MKLN1: variants seen among roughly 807,000 people sequenced by gnomAD.
The protein encoded by MKLN1 is muskelin.
A neutral mutation model predicts 99.0 loss-of-function variants in MKLN1; 18 were observed. The ratio of observed to expected loss-of-function variants is 0.18; its 90% CI spans 0.13 to 0.27. The LOEUF (loss-of-function observed/expected upper bound fraction) is 0.27, where lower values mean the gene tolerates loss of function less well. Ranked by LOEUF, MKLN1 falls within the 10% of genes least tolerant of loss-of-function variation. MKLN1 has a pLI of 1.00. For missense variants in MKLN1, 621 were observed against 875.9 expected (o/e 0.71, Z 3.67); for synonymous variants, 288 against 293.2 (o/e 0.98, Z 0.18).
intron 2 of MKLN1, among the ~76,000 whole-genome samples, chr7:131,381,088 C>T (rs1358621346): frequency 6.6e-6 from 1 of 152,196 alleles, no homozygotes; most frequent in Admixed American, 6.5e-5. Context: ...ATTGAATTCA[C>T]AGCCAACAGT....
chr7:131,414,518 C>T (rs566286505), intron 7 of MKLN1, 127 bp from the exon 8 acceptor site: 4 of 539,538 alleles, frequency 7.4e-6, no homozygotes, highest in Middle Eastern at 5.2e-4. Flanking sequence ...AGTCCTTTTA[C>T]TTATTAATAT....
At chr7:131,231,625 C>A (rs1477461106) in intron 3 of MKLN1, among the ~76,000 whole-genome samples, 2 of 152,086 alleles carry the variant, frequency 1.3e-5, no homozygotes, top group Admixed American at 1.3e-4. Flanking sequence ...TGCAGATCTG[C>A]GTCTGTGTGT....
At chr7:131,284,512 A>T (rs112900259) in intron 3 of MKLN1, among the ~76,000 whole-genome samples, 125 of 152,232 alleles carry the variant, frequency 8.2e-4, no homozygotes, top group African/African-American at 2.9e-3. Context: ...TGTTGGCTGG[A>T]TTTAGATGTT....
At chr7:131,446,683 G>A (rs1344561712) in intron 12 of MKLN1, among the ~76,000 whole-genome samples, 1 of 152,076 alleles carries the variant, frequency 6.6e-6, no homozygotes, top group Non-Finnish European at 1.5e-5. Flanking sequence ...ATTAATACAA[G>A]CTTCCTTTAA....
At chr7:131,385,313 A>G (rs755949742) in intron 2 of MKLN1, among the ~76,000 whole-genome samples, 8 of 151,572 alleles carry the variant, frequency 5.3e-5, no homozygotes, top group Non-Finnish European at 1.2e-4. Context: ...ACCCCTGTGA[A>G]CATTCATGTA....
At chr7:131,474,667 A>G (rs1239759941) in intron 16 of MKLN1, among the ~76,000 whole-genome samples, 1 of 152,236 alleles carries the variant, frequency 6.6e-6, no homozygotes, top group East Asian at 1.9e-4. Flanking sequence ...AATTCATGAA[A>G]TAGGAAACAA....
intron 1 of MKLN1, among the ~76,000 whole-genome samples, chr7:131,348,193 A>T (rs1340375220): frequency 1.3e-5 from 2 of 152,338 alleles, no homozygotes; most frequent in Non-Finnish European, 2.9e-5. Flanking sequence ...TTGCCATATG[A>T]CATATCTCTT....
intron 3 of MKLN1, among the ~76,000 whole-genome samples, chr7:131,258,784 G>GA (rs1425336406): frequency 2.0e-5 from 3 of 152,088 alleles, no homozygotes; most frequent in African/African-American, 7.2e-5. Flanking sequence ...ATCTATTCAT[G>GA]AAAAAGAGTA....
chr7:131,134,327 T>C (rs1161084330), intron 1 of MKLN1, among the ~76,000 whole-genome samples: 2 of 152,146 alleles, frequency 1.3e-5, no homozygotes, highest in African/African-American at 4.8e-5. Flanking sequence ...GCCAGGGTCC[T>C]TCTCCACTGA....
intron 16 of MKLN1, among the ~76,000 whole-genome samples, chr7:131,473,616 G>A (rs986289562): frequency 2.6e-5 from 4 of 152,150 alleles, no homozygotes; most frequent in African/African-American, 9.7e-5. Context: ...GAGAAGGAAT[G>A]AGAATAAGTT....
chr7:131,277,616 G>A (rs1266793685), intron 3 of MKLN1, among the ~76,000 whole-genome samples: 5 of 151,850 alleles, frequency 3.3e-5, no homozygotes, highest in Admixed American at 6.6e-5. Flanking sequence ...AGGTTTCACC[G>A]TGTTGGCCAG....
intron 8 of MKLN1, among the ~76,000 whole-genome samples, chr7:131,416,715 C>T (rs1287088526): frequency 6.6e-6 from 1 of 151,918 alleles, no homozygotes; most frequent in Non-Finnish European, 1.5e-5. Context: ...CAGTGACTGT[C>T]TCGTGACTGT....
intron 2 of MKLN1, among the ~76,000 whole-genome samples, chr7:131,196,957 A>G (rs958576285): frequency 6.6e-6 from 1 of 152,138 alleles, no homozygotes; most frequent in African/African-American, 2.4e-5. Flanking sequence ...TGCCGTGACA[A>G]GTCTCATTAG....
chr7:131,272,706 A>C (rs1312878108), intron 3 of MKLN1, among the ~76,000 whole-genome samples: 1 of 152,224 alleles, frequency 6.6e-6, no homozygotes, highest in South Asian at 2.1e-4. Context: ...GGTGAAAGGC[A>C]CTTCTTACAT....
chr7:131,486,424 A>G (rs1459159999), intron 17 of MKLN1, among the ~76,000 whole-genome samples: 1 of 152,140 alleles, frequency 6.6e-6, no homozygotes, highest in East Asian at 1.9e-4. Flanking sequence ...ACTTAAAACA[A>G]TATATTTTTA....
At chr7:131,466,528 G>A (rs1796665498) in intron 15 of MKLN1, 113 bp downstream of exon 15, 1 of 681,786 alleles carries the variant, frequency 1.5e-6, no homozygotes, top group Admixed American at 4.0e-5. Context: ...TTTTGTAAAT[G>A]CCCTGTTATT....
intron 2 of MKLN1, among the ~76,000 whole-genome samples, chr7:131,188,225 C>T (rs1482371231): frequency 6.6e-6 from 1 of 152,170 alleles, no homozygotes; most frequent in Non-Finnish European, 1.5e-5. Flanking sequence ...CTCTGAGCTT[C>T]CTAGCCATGG....
intron 3 of MKLN1, among the ~76,000 whole-genome samples, chr7:131,256,399 A>G (rs1797658407): frequency 6.6e-6 from 1 of 152,226 alleles, no homozygotes; most frequent in African/African-American, 2.4e-5. Context: ...GGACTAGTAA[A>G]TGTAATTACA....
chr7:131,226,787 G>T (rs1242832644), intron 3 of MKLN1, among the ~76,000 whole-genome samples: 1 of 151,988 alleles, frequency 6.6e-6, no homozygotes, highest in Non-Finnish European at 1.5e-5. Flanking sequence ...TTTGCTGTGT[G>T]TTTTTGTTTG....
Sources: gnomAD v4.1 joint callset for allele counts (sites outside exome capture counted in the v4.1 genomes callset) on GRCh38, gnomAD v4.1.1 for gene constraint, MANE v1.5 for transcripts, NCBI Gene and HGNC (gene_info 2026-07-23, HGNC 2026-07-21) for gene names.